Variants in NAV3 observed in about 807,000 individuals in gnomAD.
NAV3 encodes neuron navigator 3.
In NAV3, 87 loss-of-function variants were observed where a neutral mutation model predicts 244.7. The ratio of observed to expected loss-of-function variants is 0.36; its 90% CI spans 0.30 to 0.42. The LOEUF (loss-of-function observed/expected upper bound fraction) is 0.42, where lower values mean the gene tolerates loss of function less well. Among genes scored for constraint, NAV3 ranks in the 20% least tolerant of loss-of-function variants. The pLI is 1.00. For missense variants in NAV3, 2,663 were observed against 2,893.3 expected, an observed-to-expected ratio of 0.92 and a Z score of 1.83; for synonymous variants, 1,126 against 1,042.2, an observed-to-expected ratio of 1.08 and a Z score of -1.55.
At chr12:77,867,944 G>A (rs1255419793) in intron 1 of NAV3, among the ~76,000 whole-genome samples, 2 of 152,156 alleles carry the variant, frequency 1.3e-5, no homozygotes, top group Non-Finnish European at 2.9e-5. Context: ...AATCACTAGG[G>A]AGGATTAGAA....
At chr12:78,091,501 T>A (rs1953929815) in intron 12 of NAV3, 1 of 152,136 alleles carries the variant, frequency 6.6e-6, no homozygotes. Flanking sequence ...TCAGAGTCCA[T>A]AAAATTCACC....
In NAV3 at chr12:77,883,514, G is replaced by A. The variant is rs538205130; in HGVS notation, c.243+51810G>A. On this transcript the variant is annotated intron_variant, in intron 1 of 39. Transcript: ENST00000397909. ...ACTATGCTCACTACATGAGTGATGG[G>A]TCCATACACAAACCTCAGCATTATG... is the stretch of plus-strand genomic sequence containing the variant. Among the ~76,000 whole-genome samples the A allele has an allele frequency of 3.3e-5, 5 of 152,030 alleles. No individual in the cohort carries two copies. The South Asian group carries it at 1.0e-3, about 32-fold the overall frequency.
chr12:77,685,253 G>A (rs781047431), intron 2 of NAV3, among the ~76,000 whole-genome samples: 2 of 152,068 alleles, frequency 1.3e-5, no homozygotes, highest in African/African-American at 2.4e-5. Flanking sequence ...TCCTGTAAGC[G>A]GTGTGTAACA....
At chr12:77,960,506 G>A (rs1234152128) in intron 3 of NAV3, among the ~76,000 whole-genome samples, 1 of 147,734 alleles carries the variant, frequency 6.8e-6, no homozygotes, top group Admixed American at 6.8e-5. Flanking sequence ...ACACATTAAA[G>A]TATATATCAT....
In NAV3 at chr12:78,094,894, A is replaced by G. The variant is rs548049887; in HGVS notation, c.2637-21878A>G. Reference sequence around the variant, plus strand: ...AAACCCCGTCTCTACTAAAAATACAAAAATTAGCTAGGTGTGGTGGCACGT... The same window carrying G: ...AAACCCCGTCTCTACTAAAAATACAGAAATTAGCTAGGTGTGGTGGCACGT... On this transcript the variant is annotated intron_variant, in intron 12 of 39. Transcript: ENST00000397909. Among the ~76,000 whole-genome samples the G allele has an allele frequency of 1.4e-4, 22 of 151,904 alleles. 1 individual carries two copies. Among genetic ancestry groups the G allele is most frequent in the Admixed American group, 1.4e-3 (21 of 15,254 alleles).
chr12:77,577,412 C>T (rs911738941), intron 2 of NAV3, among the ~76,000 whole-genome samples: 25 of 152,084 alleles, frequency 1.6e-4, no homozygotes, highest in African/African-American at 4.8e-4. Context: ...GGCCTTTTTG[C>T]ACCTGGCAGC....
chr12:78,177,520 A>C, intron 27 of NAV3, 100 bp from the exon 28 acceptor site: 1 of 1,215,432 alleles, frequency 8.2e-7, no homozygotes, highest in Non-Finnish European at 1.1e-6. Flanking sequence ...GTTAGAATTC[A>C]AGTGTTTCTT....
intron 8 of NAV3, among the ~76,000 whole-genome samples, chr12:78,012,888 CT>C (rs1275641465): frequency 5.3e-5 from 8 of 152,194 alleles, no homozygotes; most frequent in Admixed American, 2.0e-4. Flanking sequence ...TCTTGTCTTT[CT>C]CATTTAGTAG....
chr12:78,176,505 C>T lies in NAV3; in HGVS notation c.5124+46C>T. 3 of 1,600,158 alleles carry T rather than the reference C, an allele frequency of 1.9e-6. No individual in the cohort carries two copies. In the South Asian group the frequency reaches 3.3e-5, roughly 18 times the overall value. Reference sequence around the variant, plus strand: ...ATTTGGCATGCATCTATAAAAAAACCCTACCTTGGCATGAATGCTATCCAT... The same window carrying T: ...ATTTGGCATGCATCTATAAAAAAACTCTACCTTGGCATGAATGCTATCCAT... On this transcript the variant is annotated intron_variant, in intron 26 of 39. Transcript: ENST00000397909.
At chr12:77,742,202 G>T (rs1868349543) in intron 2 of NAV3, among the ~76,000 whole-genome samples, 1 of 151,906 alleles carries the variant, frequency 6.6e-6, no homozygotes, top group Admixed American at 6.6e-5. Flanking sequence ...TTAACTTTGG[G>T]AGAGTTTTTC....
intron 12 of NAV3, among the ~76,000 whole-genome samples, chr12:78,082,112 T>A (rs1953385455): frequency 6.6e-6 from 1 of 152,120 alleles, no homozygotes; most frequent in Non-Finnish European, 1.5e-5. Context: ...AAAGGGGAGT[T>A]CCCCTACAAA....
rs760631685 is a variant in NAV3, at chr12:78,119,876, C to A, written c.3680C>A (p.Ala1227Asp). The change falls in exon 15 of 40, where the codon GCC becomes GAC. Residue 1227 changes from alanine to aspartate, a missense_variant. Physicochemically the swap from Ala to Asp is moderately radical, Grantham distance 126 (BLOSUM62 -2). This residue lies in a region of NAV3 where 1,521 missense variants were observed against 1,497.0 expected (regional missense o/e 1.02). Coordinates refer to ENST00000397909, the MANE Select transcript of NAV3 (RefSeq NM_001024383.2). ...AAATCCAGCCCCACCTCTGCCAGCG[C>A]CTGTGGTGCACAAGGTCTCAGGCAG... is the stretch of plus-strand genomic sequence containing the variant. ...SPKSSPTSASACGAQGLRQPG... is the reference protein window; with the variant it reads ...SPKSSPTSASDCGAQGLRQPG... The A allele has an allele frequency of 6.2e-7, 1 of 1,614,196 alleles. No individual in the cohort carries two copies. Among genetic ancestry groups the A allele is most frequent in the Non-Finnish European group, 8.5e-7 (1 of 1,180,026 alleles).
upstream of NAV3, among the ~76,000 whole-genome samples, chr12:77,828,023 G>A (rs11106879): frequency 0.15 from 22,478 of 151,974 alleles, 3,754 homozygotes; most frequent in African/African-American, 0.41. Flanking sequence ...CCTCTCCCTC[G>A]TGATGGTTTC....
At chr12:77,650,235 T>C (rs2136987110) in intron 2 of NAV3, among the ~76,000 whole-genome samples, 1 of 152,334 alleles carries the variant, frequency 6.6e-6, no homozygotes, top group African/African-American at 2.4e-5. Context: ...CAGAGTAGTT[T>C]AATTTCTTGT....
chr12:77,825,918 C>T (rs1418793821), upstream of NAV3, among the ~76,000 whole-genome samples: 2 of 152,090 alleles, frequency 1.3e-5, no homozygotes, highest in African/African-American at 2.4e-5. Flanking sequence ...GACAAGCACA[C>T]ACATGAAAAG....
intron 2 of NAV3, among the ~76,000 whole-genome samples, chr12:77,645,744 AG>A (rs1872584678): frequency 6.6e-6 from 1 of 152,036 alleles, no homozygotes; most frequent in Admixed American, 6.6e-5. Context: ...TCATTTACCT[AG>A]GTTATTTGCA....
chr12:77,641,185 C>G (rs899615528), intron 2 of NAV3, among the ~76,000 whole-genome samples: 1 of 151,812 alleles, frequency 6.6e-6, no homozygotes. Flanking sequence ...CTTTTTTTCT[C>G]AAAAGCATTT....
rs781577801 is a variant in NAV3, at chr12:78,007,175, C to T, written c.1637C>T (p.Thr546Ile). The T allele has an allele frequency of 8.1e-6, 13 of 1,614,056 alleles. No homozygotes were observed. The highest frequency in any genetic ancestry group is 1.7e-5 in the Admixed American group (1 of 60,008). Residue 546 changes from threonine to isoleucine, a missense_variant, in exon 8 of 40, where the codon ACA (threonine) becomes ATA (isoleucine). Thr to Ile is a moderately conservative substitution (Grantham distance 89, BLOSUM62 -1). Coordinates refer to ENST00000397909, the MANE Select transcript of NAV3 (RefSeq NM_001024383.2). ...TVKQTISPGS[T>I]ASKESEKFRT... ...AAGCAAACCATTTCACCTGGCAGCA[C>T]AGCAAGCAAAGAGTCTGAGAAATTC...
chr12:77,607,053 C>G (rs1870700995), intron 2 of NAV3, among the ~76,000 whole-genome samples: 1 of 152,072 alleles, frequency 6.6e-6, no homozygotes, highest in East Asian at 1.9e-4. Flanking sequence ...TTCTGAGCCT[C>G]TAGTACATTT....
Sources: gnomAD v4.1 joint callset for allele counts (sites outside exome capture counted in the v4.1 genomes callset) on GRCh38, gnomAD v4.1.1 for gene constraint, gnomAD v4.1.1 regional missense constraint, MANE v1.5 for transcripts, NCBI Gene and HGNC (gene_info 2026-07-23, HGNC 2026-07-21) for gene names.